ATF6: variants seen among roughly 807,000 people sequenced by gnomAD.
The protein encoded by ATF6 is activating transcription factor 6.
Under a neutral mutation model 83.6 loss-of-function variants are expected in ATF6, and 53 were observed. The ratio of observed to expected loss-of-function variants is 0.63; its 90% CI spans 0.51 to 0.80. The LOEUF (loss-of-function observed/expected upper bound fraction) is 0.80. Among genes scored for constraint, ATF6 ranks in the 30% least tolerant of loss-of-function variants. The pLI, the probability that ATF6 is intolerant of heterozygous loss-of-function variation, is 0.00. For synonymous variants in ATF6, 288 were observed against 285.8 expected, an observed-to-expected ratio of 1.01 and a Z score of -0.08; for missense variants, 744 against 797.9, an observed-to-expected ratio of 0.93 and a Z score of 0.81.
intron 15 of ATF6, among the ~76,000 whole-genome samples, chr1:161,924,233 C>T (rs1161457169): frequency 6.6e-6 from 1 of 152,128 alleles, no homozygotes; most frequent in African/African-American, 2.4e-5. Flanking sequence ...ATAGGTGTGT[C>T]AGCAGTTACA....
chr1:161,846,649 A>T, intron 10 of ATF6, 69 bp downstream of exon 10: 1 of 1,432,828 alleles, frequency 7.0e-7, no homozygotes, highest in South Asian at 1.5e-5. Flanking sequence ...AATTATCTGT[A>T]GTATAACATT....
At chr1:161,862,382 C>T (rs558967591) in intron 13 of ATF6, among the ~76,000 whole-genome samples, 2 of 152,212 alleles carry the variant, frequency 1.3e-5, no homozygotes, top group East Asian at 3.9e-4. Context: ...TACAGGATCC[C>T]TTTAACTCTT....
At chr1:161,785,200 G>C (rs1476309797) in intron 4 of ATF6, among the ~76,000 whole-genome samples, 1 of 152,184 alleles carries the variant, frequency 6.6e-6, no homozygotes, top group African/African-American at 2.4e-5. Flanking sequence ...ACAGCAGTGA[G>C]ATTGCTGCTG....
At chr1:161,823,011 T>G (rs1685802536) in intron 9 of ATF6, among the ~76,000 whole-genome samples, 1 of 152,154 alleles carries the variant, frequency 6.6e-6, no homozygotes, top group Non-Finnish European at 1.5e-5. Flanking sequence ...CTTTTAATAC[T>G]ACATAGTTTT....
intron 8 of ATF6, 146 bp from the exon 9 acceptor site, chr1:161,820,924 A>ATTTTT: frequency 8.4e-6 from 3 of 356,956 alleles, no homozygotes; most frequent in South Asian, 5.9e-5. Context: ...CTCACCTTTG[A>ATTTTT]TTTTTTTTTT....
intron 14 of ATF6, among the ~76,000 whole-genome samples, chr1:161,863,690 AG>A (rs1444522981): frequency 6.6e-6 from 1 of 152,232 alleles, no homozygotes; most frequent in East Asian, 1.9e-4. Context: ...ATTGAGAAAC[AG>A]ACTTCTGAAA....
rs1685707689 is a variant in ATF6 at position 161,819,825 on chromosome 1, G to A, written c.1095+7G>A. On this transcript the variant is annotated splice_region_variant and intron_variant, in intron 8 of 15. Coordinates refer to ENST00000367942, the MANE Select transcript of ATF6 (RefSeq NM_007348.4). The stretch of plus-strand genomic sequence containing the variant: ...GGATGAAGTTGTGTCAGAGGTAAGT[G>A]TTAGTAATACGGCTGAGTCGAGATG... 1 of 1,604,228 alleles carries A rather than the reference G, an allele frequency of 6.2e-7. No individual in the cohort carries two copies. Among genetic ancestry groups the A allele is most frequent in the Non-Finnish European group, 8.5e-7 (1 of 1,175,878 alleles).
At chr1:161,940,763 C>G (rs941552972) in intron 15 of ATF6, among the ~76,000 whole-genome samples, 2 of 151,970 alleles carry the variant, frequency 1.3e-5, no homozygotes, top group Admixed American at 6.6e-5. Flanking sequence ...AGGGTTTCAC[C>G]ATGTTGGCCA....
chr1:161,943,150 A>G (rs78051346), intron 15 of ATF6, among the ~76,000 whole-genome samples: 1 of 152,166 alleles, frequency 6.6e-6, no homozygotes, highest in East Asian at 1.9e-4. Flanking sequence ...TACCACACCC[A>G]GCCCCAAAAC....
At chr1:161,822,879 T>C (rs981839400) in intron 9 of ATF6, among the ~76,000 whole-genome samples, 13 of 152,248 alleles carry the variant, frequency 8.5e-5, no homozygotes, top group Non-Finnish European at 1.5e-4. Flanking sequence ...TATATAAACA[T>C]CTATTCCCAC....
At chr1:161,891,045 C>T (rs1019317117) in intron 14 of ATF6, 2 of 152,262 alleles carry the variant, frequency 1.3e-5, no homozygotes, top group Admixed American at 1.3e-4. Context: ...CTTCTTTCCT[C>T]AGAAGGTCTT....
chr1:161,785,999 T>C (rs1177407688), intron 4 of ATF6, among the ~76,000 whole-genome samples: 5 of 151,058 alleles, frequency 3.3e-5, no homozygotes, highest in Non-Finnish European at 7.4e-5. Context: ...GGAGATGAAC[T>C]CTCTCTCTTG....
intron 9 of ATF6, among the ~76,000 whole-genome samples, chr1:161,827,635 G>A (rs1216317354): frequency 6.7e-6 from 1 of 149,374 alleles, no homozygotes; most frequent in East Asian, 2.0e-4. Context: ...TGCCTTATTG[G>A]TATGGGCCAA....
chr1:161,957,314 G>A (rs956904974), intron 15 of ATF6, among the ~76,000 whole-genome samples: 4 of 152,122 alleles, frequency 2.6e-5, no homozygotes, highest in Non-Finnish European at 4.4e-5. Context: ...CTAGGTTGTT[G>A]CCGGCAGTTC....
chr1:161,963,818 A>G lies in ATF6; in HGVS notation c.*5164A>G, dbSNP rs1689152204. 2.0e-5 allele frequency: 3 copies of G among 152,216 alleles called. No homozygotes were observed. The South Asian group carries it at 6.2e-4, about 32-fold the overall frequency. The allele number at this position is 152,216 out of a possible 1,614,324, so 9.4% of individuals were successfully genotyped here. ...GTCTAAGTCCAGTAGGGCTTCATCC[A>G]TGGAGCCATTAGAACTGAGGGGGGA... On this transcript the variant is annotated 3_prime_UTR_variant, in exon 16 of 16. Coordinates refer to ENST00000367942, the MANE Select transcript of ATF6 (RefSeq NM_007348.4).
At chr1:161,858,785 G>A (rs953747404) in intron 12 of ATF6, among the ~76,000 whole-genome samples, 1 of 152,118 alleles carries the variant, frequency 6.6e-6, no homozygotes, top group East Asian at 1.9e-4. Context: ...TTTTTCAGAG[G>A]TTCCTTAGTT....
chr1:161,842,065 CA>C (rs1453331163), intron 9 of ATF6, among the ~76,000 whole-genome samples: 1 of 152,108 alleles, frequency 6.6e-6, no homozygotes, highest in Non-Finnish European at 1.5e-5. Flanking sequence ...TGAATTAATT[CA>C]ATTTATAAAT....
chr1:161,854,347 C>G (rs1213038931), intron 12 of ATF6, among the ~76,000 whole-genome samples: 1 of 152,202 alleles, frequency 6.6e-6, no homozygotes, highest in African/African-American at 2.4e-5. Flanking sequence ...TTCTTTGCTT[C>G]TTGCTTGAGA....
Position 161,802,168 on chromosome 1 carries a change from G to A in ATF6, c.805G>A (p.Val269Met), listed in dbSNP as rs1010112292. 18 of 1,614,054 alleles carry A rather than the reference G, an allele frequency of 1.1e-5. No individual in the cohort carries two copies. Among genetic ancestry groups the A allele is most frequent in the African/African-American group, 2.7e-5 (2 of 75,006 alleles). Reference sequence around the variant, plus strand: ...GGGAGTCACACAGCTCCCTAATCACGTGGTGAATGTGGTACCAGCCCCTTC... The same window carrying A: ...GGGAGTCACACAGCTCCCTAATCACATGGTGAATGTGGTACCAGCCCCTTC... ...AGGVTQLPNH[V>M]VNVVPAPSAN... is the part of the protein sequence containing the mutation. The change falls in exon 7 of 16, where the codon GTG becomes ATG. Residue 269 changes from valine to methionine, a missense_variant. Val to Met is a conservative substitution (Grantham distance 21). Transcript: ENST00000367942.
Sources: gnomAD v4.1 joint callset for allele counts (sites outside exome capture counted in the v4.1 genomes callset) on GRCh38, gnomAD v4.1.1 for gene constraint, MANE v1.5 for transcripts, NCBI Gene and HGNC (gene_info 2026-07-23, HGNC 2026-07-21) for gene names.